The following SYBU variants were observed in gnomAD, a reference collection of about 807,000 sequenced individuals.
SYBU encodes the protein GOLSYN A protein.
SYBU carries 21 observed loss-of-function variants against 35.9 expected under a neutral mutation model. The observed-to-expected ratio is 0.58, with a 90% confidence interval of 0.41 to 0.84. The LOEUF is 0.84. Ranked by LOEUF, SYBU falls within the 40% of genes least tolerant of loss-of-function variation. SYBU has a pLI of 0.00. For synonymous variants in SYBU, 319 were observed against 324.3 expected, an observed-to-expected ratio of 0.98 and a Z score of 0.18; for missense variants, 768 against 848.2, an observed-to-expected ratio of 0.91 and a Z score of 1.17.
chr8:109,590,277 A>T (rs1824067196), intron 3 of SYBU, among the ~76,000 whole-genome samples: 1 of 152,138 alleles, frequency 6.6e-6, no homozygotes, highest in African/African-American at 2.4e-5. Flanking sequence ...TATCCAAGAA[A>T]CGCTTCACAG....
intron 2 of SYBU, among the ~76,000 whole-genome samples, chr8:109,630,698 A>G (rs1813518321): frequency 6.6e-6 from 1 of 152,184 alleles, no homozygotes; most frequent in Admixed American, 6.5e-5. Flanking sequence ...TGGGTTTATG[A>G]TTGTGTAGGG....
chr8:109,673,644 C>G (rs1817071945), intron 1 of SYBU, among the ~76,000 whole-genome samples: 2 of 152,194 alleles, frequency 1.3e-5, no homozygotes, highest in South Asian at 4.1e-4. Flanking sequence ...GATCACAACT[C>G]CTCGCCAGCA....
intron 3 of SYBU, among the ~76,000 whole-genome samples, chr8:109,608,919 G>C (rs553484139): frequency 3.9e-5 from 6 of 152,056 alleles, no homozygotes; most frequent in Non-Finnish European, 8.8e-5. Flanking sequence ...GTAGTATTTA[G>C]GTAATGCATA....
chr8:109,644,866 G>A (rs1167250357), upstream of SYBU: 2 of 560,464 alleles, frequency 3.6e-6, no homozygotes, highest in Non-Finnish European at 6.1e-6. Flanking sequence ...CGGACACGTG[G>A]TGCCGCACTC....
chr8:109,643,146 GGC>G, intron 1 of SYBU: 5 of 1,245,338 alleles, frequency 4.0e-6, no homozygotes, highest in Admixed American at 4.7e-5. Context: ...ATGTCTGTGT[GGC>G]ACACACACAC....
chr8:109,644,417 T>C (rs992738616), intron 1 of SYBU, among the ~76,000 whole-genome samples: 3 of 152,096 alleles, frequency 2.0e-5, no homozygotes, highest in Non-Finnish European at 4.4e-5. Flanking sequence ...CCTCCAATCA[T>C]GTCATTCTCC....
At position 109,624,960 on chromosome 8, in the gene SYBU, C is replaced by T. The variant is rs181723443; in HGVS notation, c.230-5921G>A. Among the ~76,000 whole-genome samples, 942 of 152,220 alleles carry T rather than the reference C, an allele frequency of 6.2e-3. 5 individuals carry two copies. The highest frequency in any genetic ancestry group is 9.8e-3 in the Non-Finnish European group (669 of 68,004). ...CAATGAAATAAAAAATATTTGCTAT[C>T]TGGCGCTTTATAGAAAAAGTTTGTT... On this transcript the variant is annotated intron_variant, in intron 2 of 6. Coordinates refer to ENST00000276646, the MANE Select transcript of SYBU (RefSeq NM_001099754.2).
intron 3 of SYBU, among the ~76,000 whole-genome samples, chr8:109,604,664 C>A (rs1825881885): frequency 6.6e-6 from 1 of 152,206 alleles, no homozygotes; most frequent in Non-Finnish European, 1.5e-5. Flanking sequence ...CCTTTACTGT[C>A]CCTGGTTCTC....
At chr8:109,651,702 C>T (rs889466572) in intron 1 of SYBU, among the ~76,000 whole-genome samples, 1 of 152,042 alleles carries the variant, frequency 6.6e-6, no homozygotes, top group Non-Finnish European at 1.5e-5. Context: ...CAAAGCCTAG[C>T]ATTTATATCT....
chr8:109,678,434 C>CTTTT (rs10717299), intron 1 of SYBU, among the ~76,000 whole-genome samples: 41 of 58,388 alleles, frequency 7.0e-4, no homozygotes, highest in Admixed American at 1.2e-3. Flanking sequence ...TTCAAATAAC[C>CTTTT]TTTTTTTTTT....
At chr8:109,677,952 T>C (rs1817250887) in intron 1 of SYBU, among the ~76,000 whole-genome samples, 1 of 151,690 alleles carries the variant, frequency 6.6e-6, no homozygotes. Context: ...CTTACCAACA[T>C]GGAAAAACCC....
rs60319372 is a variant in SYBU, at chr8:109,584,253, G to T, written c.530+1807C>A. On this transcript the variant is annotated intron_variant, in intron 4 of 6. Transcript: ENST00000276646. The surrounding 1 kb of genome is among the most constrained non-coding windows in gnomAD (Gnocchi z 4.0). ...ACTAACAGAAGCATTCATCTGATTT[G>T]CATATAATTATATTTGGCTATTTTA... 0.17 allele frequency among the ~76,000 whole-genome samples: 25,240 copies of T among 152,040 alleles called. 5,438 individuals carry two copies. Among genetic ancestry groups the T allele is most frequent in the African/African-American group, 0.5 (20,693 of 41,426 alleles).
intron 3 of SYBU, chr8:109,603,424 C>T: frequency 2.3e-5 from 23 of 985,164 alleles, no homozygotes; most frequent in Non-Finnish European, 2.8e-5. Context: ...GGAACCTTCC[C>T]CAGGATCTCA....
intron 3 of SYBU, among the ~76,000 whole-genome samples, chr8:109,617,333 G>A (rs1447499563): frequency 3.9e-5 from 6 of 152,180 alleles, no homozygotes; most frequent in African/African-American, 1.4e-4. Flanking sequence ...GGGGAAAGGG[G>A]GAACAGAGTG....
At chr8:109,611,624 C>T (rs16879807) in intron 3 of SYBU, among the ~76,000 whole-genome samples, 7,412 of 152,226 alleles carry the variant, frequency 0.049, 259 homozygotes, top group African/African-American at 0.094. Context: ...AATACAAAAG[C>T]TCTTGCTTAA....
chr8:109,574,814 A>G lies in SYBU; in HGVS notation c.*92T>C. 2.2e-6 allele frequency: 3 copies of G among 1,379,094 alleles called. No homozygotes were observed. In the South Asian group the frequency reaches 4.8e-5, roughly 22 times the overall value. The allele number at this position is 1,379,094 out of a possible 1,614,324, so 85.4% of individuals were successfully genotyped here. A position where few individuals can be genotyped will look rare whatever the true frequency, so the allele number is the denominator to read the frequency against. On this transcript the variant is annotated 3_prime_UTR_variant, in exon 7 of 7. Transcript: ENST00000276646. ...CAAATACCAAGGAGCAAAACGACAG[A>G]ATAGAGACTGTCACAGATGATTGAC...
intron 1 of SYBU, among the ~76,000 whole-genome samples, chr8:109,690,071 A>G (rs943957321): frequency 9.9e-5 from 15 of 152,228 alleles, no homozygotes; most frequent in Non-Finnish European, 1.9e-4. Flanking sequence ...AGTGAATAAA[A>G]TATTATTTAA....
At chr8:109,598,023 C>A (rs1330009109) in intron 3 of SYBU, among the ~76,000 whole-genome samples, 2 of 152,132 alleles carry the variant, frequency 1.3e-5, no homozygotes, top group Admixed American at 6.5e-5. Context: ...AATTTAGGAG[C>A]AGAGGTGACA....
intron 1 of SYBU, among the ~76,000 whole-genome samples, chr8:109,650,875 A>C (rs1355625679): frequency 6.6e-6 from 1 of 152,202 alleles, no homozygotes; most frequent in Non-Finnish European, 1.5e-5. Flanking sequence ...GAAAAAAGAT[A>C]CTCATTATCT....
Sources: allele counts gnomAD v4.1 joint callset (sites outside exome capture counted in the v4.1 genomes callset), GRCh38; gene constraint gnomAD v4.1.1; non-coding constraint Gnocchi (gnomAD v3.1); transcripts MANE v1.5; gene names NCBI Gene and HGNC (gene_info 2026-07-23, HGNC 2026-07-21).